CDKAL1: variants seen among roughly 807,000 people sequenced by gnomAD.
CDKAL1 encodes threonylcarbamoyladenosine tRNA methylthiotransferase.
Under a neutral mutation model 68.2 loss-of-function variants are expected in CDKAL1, and 32 were observed. That is an observed-to-expected ratio of 0.47 (90% CI 0.35 to 0.63). The LOEUF (loss-of-function observed/expected upper bound fraction) is 0.63. Among genes scored for constraint, CDKAL1 ranks in the 30% least tolerant of loss-of-function variants. The probability of loss-of-function intolerance (pLI) is 0.00; values close to 1 mark genes in which losing one functional copy is unlikely to be tolerated. For missense variants in CDKAL1, 606 were observed against 696.7 expected, an observed-to-expected ratio of 0.87 and a Z score of 1.47; for synonymous variants, 234 against 244.3, an observed-to-expected ratio of 0.96 and a Z score of 0.39.
chr6:20,575,405 T>C (rs1031761530), intron 4 of CDKAL1, among the ~76,000 whole-genome samples: 2 of 136,156 alleles, frequency 1.5e-5, no homozygotes, highest in African/African-American at 5.6e-5. Flanking sequence ...GTCTTGTCAG[T>C]GTGATAAGGG....
At position 20,896,487 on chromosome 6, in the gene CDKAL1, C is replaced by T. The variant is rs112702012; in HGVS notation, c.742+50309C>T. 3.6e-3 allele frequency among the ~76,000 whole-genome samples: 548 copies of T among 152,114 alleles called. 4 individuals are homozygous for T. Among genetic ancestry groups the T allele is most frequent in the African/African-American group, 0.012 (480 of 41,474 alleles). Reference sequence around the variant, plus strand: ...TCTTGACCAAAACAAATTCGTAAGTCCAACAGTTAAATACATTCATTTGAT... The same window carrying T: ...TCTTGACCAAAACAAATTCGTAAGTTCAACAGTTAAATACATTCATTTGAT... On this transcript the variant is annotated intron_variant, in intron 9 of 15. Transcript: ENST00000274695.
intron 7 of CDKAL1, among the ~76,000 whole-genome samples, chr6:20,773,804 C>T (rs1775053381): frequency 6.6e-6 from 1 of 152,168 alleles, no homozygotes; most frequent in African/African-American, 2.4e-5. Flanking sequence ...CCTCGGCCTC[C>T]CAAAGTGCTG....
At chr6:21,056,168 T>G (rs1011188805) in intron 11 of CDKAL1, among the ~76,000 whole-genome samples, 16 of 152,312 alleles carry the variant, frequency 1.1e-4, no homozygotes, top group African/African-American at 3.4e-4. Flanking sequence ...TGGAATGTTT[T>G]TCCATTTGTT....
At chr6:21,009,152 T>C (rs62403362) in intron 11 of CDKAL1, among the ~76,000 whole-genome samples, 16,214 of 152,220 alleles carry the variant, frequency 0.11, 920 homozygotes, top group Non-Finnish European at 0.13. Context: ...TTTAGGTACA[T>C]AGAAGTTAAA....
chr6:20,818,013 G>A (rs1246583308), intron 8 of CDKAL1, among the ~76,000 whole-genome samples: 1 of 152,062 alleles, frequency 6.6e-6, no homozygotes, highest in Non-Finnish European at 1.5e-5. Context: ...ACCCCCATCA[G>A]TCCTCTTTAC....
At chr6:20,979,570 G>A (rs1766005499) in intron 10 of CDKAL1, among the ~76,000 whole-genome samples, 1 of 151,938 alleles carries the variant, frequency 6.6e-6, no homozygotes, top group Non-Finnish European at 1.5e-5. Flanking sequence ...GTTTCCCGGG[G>A]GTTCGAGGGT....
intron 10 of CDKAL1, among the ~76,000 whole-genome samples, chr6:20,975,832 C>T (rs1429263160): frequency 2.0e-5 from 3 of 152,148 alleles, no homozygotes; most frequent in Admixed American, 1.3e-4. Context: ...CCCTAAAGGG[C>T]CAGGATTCTT....
chr6:20,689,048 G>A (rs1770755717), intron 5 of CDKAL1, among the ~76,000 whole-genome samples: 1 of 152,208 alleles, frequency 6.6e-6, no homozygotes, highest in Non-Finnish European at 1.5e-5. Flanking sequence ...TTTTCACCCA[G>A]GTCATTTAGG....
intron 8 of CDKAL1, among the ~76,000 whole-genome samples, chr6:20,806,031 A>C (rs963119322): frequency 6.6e-6 from 1 of 152,134 alleles, no homozygotes; most frequent in Non-Finnish European, 1.5e-5. Context: ...AATGTGTGTA[A>C]TATGTACAGG....
chr6:20,811,157 T>G (rs1433936163), intron 8 of CDKAL1, among the ~76,000 whole-genome samples: 2 of 152,204 alleles, frequency 1.3e-5, no homozygotes, highest in Non-Finnish European at 2.9e-5. Context: ...CCAAGGTGTG[T>G]GGATGCTACC....
chr6:20,784,537 G>T (rs1775587113), intron 8 of CDKAL1, among the ~76,000 whole-genome samples: 1 of 138,028 alleles, frequency 7.2e-6, no homozygotes, highest in Admixed American at 8.1e-5. Flanking sequence ...TGATTCTTCT[G>T]CCTCAGCCTC....
chr6:20,902,925 A>T (rs1315806746), intron 9 of CDKAL1, among the ~76,000 whole-genome samples: 1 of 152,126 alleles, frequency 6.6e-6, no homozygotes, highest in Non-Finnish European at 1.5e-5. Flanking sequence ...AGCTTTTCCC[A>T]TAAGTAGTAA....
intron 5 of CDKAL1, among the ~76,000 whole-genome samples, chr6:20,700,110 T>C (rs958439154): frequency 6.6e-6 from 1 of 151,728 alleles, no homozygotes; most frequent in Non-Finnish European, 1.5e-5. Flanking sequence ...AGATGGAGAG[T>C]AGTTACTTTA....
intron 8 of CDKAL1, among the ~76,000 whole-genome samples, chr6:20,834,469 C>A (rs191821100): frequency 2.0e-4 from 31 of 152,282 alleles, no homozygotes; most frequent in African/African-American, 7.2e-4. Flanking sequence ...TTTCACGAAC[C>A]TAAGCTTGGC....
At chr6:20,731,314 A>T (rs188400511) in intron 5 of CDKAL1, among the ~76,000 whole-genome samples, 1 of 152,194 alleles carries the variant, frequency 6.6e-6, no homozygotes, top group African/African-American at 2.4e-5. Context: ...ATGAAGATGG[A>T]AGGCAGCAGG....
intron 9 of CDKAL1, among the ~76,000 whole-genome samples, chr6:20,879,478 C>A (rs1760706392): frequency 6.6e-6 from 1 of 152,184 alleles, no homozygotes; most frequent in Admixed American, 6.5e-5. Flanking sequence ...TTCAATACAA[C>A]CTTTTTGGAT....
intron 8 of CDKAL1, among the ~76,000 whole-genome samples, chr6:20,794,577 A>T (rs968265240): frequency 2.6e-5 from 4 of 152,192 alleles, no homozygotes; most frequent in Non-Finnish European, 4.4e-5. Flanking sequence ...CTTTCTTAAT[A>T]CAAAACTATT....
At chr6:21,129,597 T>G (rs1224855456) in intron 13 of CDKAL1, among the ~76,000 whole-genome samples, 1 of 149,600 alleles carries the variant, frequency 6.7e-6, no homozygotes, top group Non-Finnish European at 1.5e-5. Context: ...AGCAGCATGT[T>G]GTAGGCACGT....
chr6:20,774,676 A>G (rs369747794), intron 7 of CDKAL1, among the ~76,000 whole-genome samples: 12 of 152,350 alleles, frequency 7.9e-5, no homozygotes, highest in African/African-American at 2.9e-4. Context: ...CTCTTCTCAT[A>G]AGCATTTCAG....
Sources: allele counts gnomAD v4.1 joint callset (sites outside exome capture counted in the v4.1 genomes callset), GRCh38; gene constraint gnomAD v4.1.1; transcripts MANE v1.5; gene names NCBI Gene and HGNC (gene_info 2026-07-23, HGNC 2026-07-21).